RBFOX1: variants seen among roughly 807,000 people sequenced by gnomAD.
The protein encoded by RBFOX1 is RNA binding protein fox-1 homolog 1.
Under a neutral mutation model 57.7 loss-of-function variants are expected in RBFOX1, and 8 were observed. That is an observed-to-expected ratio of 0.14 (90% CI 0.08 to 0.25). The LOEUF (loss-of-function observed/expected upper bound fraction) is 0.25. RBFOX1 is among the 10% of genes least tolerant of loss of function. The probability of loss-of-function intolerance (pLI) is 1.00; values close to 1 mark genes in which losing one functional copy is unlikely to be tolerated. For missense variants in RBFOX1, 611 were observed against 548.5 expected (o/e 1.11, Z -1.14); for synonymous variants, 326 against 222.4 (o/e 1.47, Z -4.15).
intron 2 of RBFOX1, among the ~76,000 whole-genome samples, chr16:5,591,898 C>G (rs931768476): frequency 2.0e-5 from 3 of 152,180 alleles, no homozygotes; most frequent in Admixed American, 6.5e-5. Context: ...AATGGAATCC[C>G]TAGTCCGAAT....
intron 3 of RBFOX1, among the ~76,000 whole-genome samples, chr16:6,933,376 C>T (rs958495978): frequency 6.6e-6 from 1 of 152,222 alleles, no homozygotes; most frequent in African/African-American, 2.4e-5. Context: ...GGGTTCCAAT[C>T]TGTCCACATC....
chr16:6,930,790 G>C (rs1489094185), intron 3 of RBFOX1, among the ~76,000 whole-genome samples: 1 of 152,050 alleles, frequency 6.6e-6, no homozygotes, highest in African/African-American at 2.4e-5. Context: ...GAGCTATACA[G>C]TTTTCTCACT....
chr16:7,051,962 T>G, intron 3 of RBFOX1, 95 bp from the exon 4 acceptor site: 2 of 1,526,650 alleles, frequency 1.3e-6, no homozygotes, highest in Non-Finnish European at 1.8e-6. Context: ...GGGTTTTCTT[T>G]GAGCTGAGTA....
chr16:5,598,953 C>A, exon 3 of RBFOX1: 1 of 1,532,600 alleles, frequency 6.5e-7, no homozygotes. Flanking sequence ...GAACAGCCTG[C>A]AAGACTCCGT....
intron 1 of RBFOX1, among the ~76,000 whole-genome samples, chr16:6,290,899 A>C (rs572585654): frequency 6.6e-6 from 1 of 152,312 alleles, no homozygotes; most frequent in South Asian, 2.1e-4. Context: ...AAGCAAGTTT[A>C]TTAAGAGAGT....
chr16:5,828,900 A>G (rs887316720), intron 3 of RBFOX1, among the ~76,000 whole-genome samples: 1 of 152,146 alleles, frequency 6.6e-6, no homozygotes, highest in Non-Finnish European at 1.5e-5. Flanking sequence ...TTAAAACAAC[A>G]TCACTTACCG....
Position 5,590,261 on chromosome 16 carries a change from A to T in RBFOX1, c.259-8641A>T, listed in dbSNP as rs115546269. Among the ~76,000 whole-genome samples the T allele has an allele frequency of 5.3e-5, 8 of 152,326 alleles. No individual in the cohort carries two copies. The South Asian group carries it at 8.3e-4, about 16-fold the overall frequency. ...GTAGTGTTCCAAAGAGGGGAAAAAA[A>T]ACCGAGCTCACTTGCATTGATTTCT... On this transcript the variant is annotated intron_variant, in intron 2 of 2. Transcript: ENST00000585867.
chr16:6,831,471 G>A (rs779696084), intron 3 of RBFOX1, among the ~76,000 whole-genome samples: 5 of 152,016 alleles, frequency 3.3e-5, no homozygotes, highest in Non-Finnish European at 5.9e-5. Context: ...CCAACCAAAT[G>A]CCCATTATAT....
At chr16:7,226,499 G>T (rs1029640322) in intron 4 of RBFOX1, among the ~76,000 whole-genome samples, 4 of 152,182 alleles carry the variant, frequency 2.6e-5, no homozygotes, top group Non-Finnish European at 1.5e-5. Flanking sequence ...TGTACATTCT[G>T]AGGGCAAAAC....
At chr16:7,234,301 C>G (rs368865604) in intron 4 of RBFOX1, among the ~76,000 whole-genome samples, 2 of 152,092 alleles carry the variant, frequency 1.3e-5, no homozygotes, top group African/African-American at 4.8e-5. Context: ...AGTGGTTTAT[C>G]TTCCAGTGGG....
At chr16:6,698,400 C>G (rs1009955172) in intron 3 of RBFOX1, among the ~76,000 whole-genome samples, 1 of 152,172 alleles carries the variant, frequency 6.6e-6, no homozygotes, top group Non-Finnish European at 1.5e-5. Flanking sequence ...GCTACAAAAA[C>G]TAGAGATTCT....
chr16:7,679,252 T>A (rs926428207), intron 14 of RBFOX1, among the ~76,000 whole-genome samples: 20 of 152,310 alleles, frequency 1.3e-4, no homozygotes, highest in Non-Finnish European at 1.8e-4. Flanking sequence ...AATGTGAAAT[T>A]ATCAGAATAG....
chr16:6,410,627 C>G lies in RBFOX1; in HGVS notation c.-64+93570C>G, dbSNP rs2093429820. Among the ~76,000 whole-genome samples, 2 of 152,046 alleles carry G rather than the reference C, an allele frequency of 1.3e-5. 1 individual carries two copies. Among genetic ancestry groups the G allele is most frequent in the South Asian group, 4.1e-4 (2 of 4,820 alleles). On this transcript the variant is annotated intron_variant, in intron 2 of 15. Coordinates refer to ENST00000550418, the MANE Select transcript of RBFOX1 (RefSeq NM_018723.4). ...CGCACCTTCTATTTGAGGCCCTGCG[C>G]TAGGAGGACTGCATTAAGACCAAGG... is the stretch of plus-strand genomic sequence containing the variant.
chr16:7,356,228 A>G (rs903819720), intron 4 of RBFOX1, among the ~76,000 whole-genome samples: 2 of 152,336 alleles, frequency 1.3e-5, no homozygotes, highest in East Asian at 1.9e-4. Flanking sequence ...TAGTGAGTCA[A>G]GACCCCTGTT....
At chr16:5,609,300 A>C (rs1177977487) in intron 3 of RBFOX1, among the ~76,000 whole-genome samples, 1 of 152,134 alleles carries the variant, frequency 6.6e-6, no homozygotes, top group Non-Finnish European at 1.5e-5. Flanking sequence ...TTTAAATGTG[A>C]ATTTCCAATA....
At chr16:6,514,973 CAAG>C (rs2096344435) in intron 2 of RBFOX1, among the ~76,000 whole-genome samples, 1 of 151,738 alleles carries the variant, frequency 6.6e-6, no homozygotes, top group Admixed American at 6.6e-5. Context: ...AAAAGAAAAA[CAAG>C]AACAAAAACA....
intron 4 of RBFOX1, among the ~76,000 whole-genome samples, chr16:7,187,491 C>G (rs559121012): frequency 6.6e-6 from 1 of 151,400 alleles, no homozygotes; most frequent in Admixed American, 6.6e-5. Context: ...AGATCGAGAC[C>G]ATCCTGGCTA....
chr16:5,609,313 C>A (rs1361533960), intron 3 of RBFOX1, among the ~76,000 whole-genome samples: 1 of 152,188 alleles, frequency 6.6e-6, no homozygotes, highest in Non-Finnish European at 1.5e-5. Flanking sequence ...TTCCAATACG[C>A]CATCAGTCTA....
chr16:6,172,563 G>A (rs1435594090), intron 1 of RBFOX1, among the ~76,000 whole-genome samples: 7 of 152,172 alleles, frequency 4.6e-5, no homozygotes, highest in Admixed American at 3.9e-4. Context: ...AGGATGCACA[G>A]TCTAGAATAA....
Sources: allele counts gnomAD v4.1 joint callset (sites outside exome capture counted in the v4.1 genomes callset), GRCh38; gene constraint gnomAD v4.1.1; transcripts MANE v1.5; gene names NCBI Gene and HGNC (gene_info 2026-07-23, HGNC 2026-07-21).